Variants in CAMTA1 observed in about 807,000 individuals in gnomAD.
The protein encoded by CAMTA1 is calmodulin-binding transcription activator 1.
CAMTA1 carries 27 observed loss-of-function variants against 170.9 expected under a neutral mutation model. The ratio of observed to expected loss-of-function variants is 0.16; its 90% confidence interval spans 0.12 to 0.22. The LOEUF (loss-of-function observed/expected upper bound fraction) is 0.22. Ranked by LOEUF, CAMTA1 falls within the 10% of genes least tolerant of loss-of-function variation. CAMTA1 has a pLI of 1.00. For missense variants in CAMTA1, 1,619 were observed against 2,217.2 expected (o/e 0.73, Z 5.42); for synonymous variants, 833 against 891.5 (o/e 0.93, Z 1.17).
At chr1:6,859,063 T>A (rs75911465) in intron 3 of CAMTA1, among the ~76,000 whole-genome samples, 19 of 152,366 alleles carry the variant, frequency 1.2e-4, no homozygotes, top group Non-Finnish European at 2.4e-4. Context: ...AAATGGTCTT[T>A]GAAAAATTCT....
intron 21 of CAMTA1, 44 bp downstream of exon 21, chr1:7,752,577 G>C (rs2096904648): frequency 6.8e-7 from 1 of 1,465,876 alleles, no homozygotes; most frequent in South Asian, 1.3e-5. Context: ...GGAGAATGAT[G>C]AAGCAACCCT....
chr1:6,860,865 T>C (rs1362024827), intron 3 of CAMTA1, among the ~76,000 whole-genome samples: 1 of 151,622 alleles, frequency 6.6e-6, no homozygotes, highest in African/African-American at 2.4e-5. Flanking sequence ...TGACCCCAGA[T>C]TGTGTCATTG....
chr1:6,943,658 C>G (rs1319482665), intron 3 of CAMTA1, among the ~76,000 whole-genome samples: 7 of 151,852 alleles, frequency 4.6e-5, no homozygotes, highest in Non-Finnish European at 1.0e-4. Flanking sequence ...CCAGCCTGAC[C>G]AACATGGTGA....
intron 1 of CAMTA1, among the ~76,000 whole-genome samples, chr1:6,792,588 A>AT (rs1641428228): frequency 6.6e-6 from 1 of 151,774 alleles, no homozygotes; most frequent in South Asian, 2.1e-4. Context: ...TTTCTGGAGG[A>AT]TTGTTCATTT....
chr1:7,266,099 A>C (rs1449338763), intron 5 of CAMTA1, among the ~76,000 whole-genome samples: 2 of 152,246 alleles, frequency 1.3e-5, no homozygotes. Flanking sequence ...CAAAGTGGAA[A>C]CTGGTGAAGC....
chr1:7,609,660 A>C lies in CAMTA1; in HGVS notation c.511-30740A>C, dbSNP rs1331315479. 6.6e-6 allele frequency among the ~76,000 whole-genome samples: 1 copy of C among 152,098 alleles called. No individual in the cohort carries two copies. Among genetic ancestry groups the C allele is most frequent in the African/African-American group, 2.4e-5 (1 of 41,416 alleles). On this transcript the variant is annotated intron_variant, in intron 6 of 22. Coordinates refer to ENST00000303635, the MANE Select transcript of CAMTA1 (RefSeq NM_015215.4). The surrounding 1 kb of genome is among the most constrained non-coding windows in gnomAD (Gnocchi z 4.4). Reference sequence around the variant, plus strand: ...CTGGTGACCTTGCTGAGGACATTGGAGCTCCAGCCTCAAGTCAGATCCCCT... The same window carrying C: ...CTGGTGACCTTGCTGAGGACATTGGCGCTCCAGCCTCAAGTCAGATCCCCT...
At chr1:6,926,203 T>C (rs1332250598) in intron 3 of CAMTA1, among the ~76,000 whole-genome samples, 1 of 152,206 alleles carries the variant, frequency 6.6e-6, no homozygotes, top group African/African-American at 2.4e-5. Context: ...CTGCCCCACG[T>C]TGGGAGGGGA....
chr1:7,219,132 T>C (rs988649322), intron 4 of CAMTA1, among the ~76,000 whole-genome samples: 3 of 152,222 alleles, frequency 2.0e-5, no homozygotes, highest in Non-Finnish European at 4.4e-5. Flanking sequence ...GTGTCTCCCC[T>C]GTAAGCTTGT....
At chr1:7,459,664 A>G (rs1354256254) in intron 5 of CAMTA1, among the ~76,000 whole-genome samples, 1 of 152,202 alleles carries the variant, frequency 6.6e-6, no homozygotes, top group Non-Finnish European at 1.5e-5. Context: ...GCCCCTGCTC[A>G]GGTGCTGCCC....
intron 3 of CAMTA1, among the ~76,000 whole-genome samples, chr1:6,882,894 G>T (rs574800002): frequency 6.6e-6 from 1 of 152,116 alleles, no homozygotes; most frequent in Non-Finnish European, 1.5e-5. Context: ...ACAGGAGATG[G>T]GGGTGTCCTG....
intron 1 of CAMTA1, among the ~76,000 whole-genome samples, chr1:6,810,498 A>AG (rs1307932867): frequency 6.6e-6 from 1 of 151,960 alleles, no homozygotes; most frequent in Non-Finnish European, 1.5e-5. Flanking sequence ...ACTCCGGGGG[A>AG]GGGGGTTACA....
At chr1:6,808,296 G>A (rs1018585632) in intron 1 of CAMTA1, among the ~76,000 whole-genome samples, 4 of 151,934 alleles carry the variant, frequency 2.6e-5, no homozygotes, top group Non-Finnish European at 4.4e-5. Context: ...GTGCTAATAA[G>A]GGCCACCTAG....
rs1003927583 is a variant in CAMTA1, at chr1:7,565,522, C to A, written c.511-74878C>A. The stretch of plus-strand genomic sequence containing the variant: ...AGGGGCTGGGCTTTCCGCAGAGAGC[C>A]TGGCTCTAGGCTGTCCGGAACAGCA... On this transcript the variant is annotated intron_variant, in intron 6 of 22. Coordinates refer to ENST00000303635, the MANE Select transcript of CAMTA1 (RefSeq NM_015215.4). The surrounding 1 kb of genome is among the most constrained non-coding windows in gnomAD (Gnocchi z 4.5). 6.6e-6 allele frequency among the ~76,000 whole-genome samples: 1 copy of A among 152,172 alleles called. No homozygotes were observed. Among genetic ancestry groups the A allele is most frequent in the Non-Finnish European group, 1.5e-5 (1 of 68,024 alleles).
At chr1:7,439,601 A>G (rs1436555419) in intron 5 of CAMTA1, among the ~76,000 whole-genome samples, 2 of 152,314 alleles carry the variant, frequency 1.3e-5, no homozygotes, top group African/African-American at 2.4e-5. Context: ...AAGCCTGCGC[A>G]TGGTACGGCC....
At chr1:7,481,233 T>C (rs918687228) in intron 6 of CAMTA1, among the ~76,000 whole-genome samples, 5 of 152,210 alleles carry the variant, frequency 3.3e-5, no homozygotes, top group African/African-American at 1.2e-4. Context: ...ATCACCCTTA[T>C]GCTTCAGGCA....
At chr1:7,201,073 C>T (rs1315573827) in intron 4 of CAMTA1, among the ~76,000 whole-genome samples, 2 of 152,174 alleles carry the variant, frequency 1.3e-5, no homozygotes, top group Non-Finnish European at 2.9e-5. Flanking sequence ...CCACCGCCAG[C>T]CCTCTGCAAA....
chr1:7,305,647 G>A (rs1351488736), intron 5 of CAMTA1, among the ~76,000 whole-genome samples: 1 of 151,882 alleles, frequency 6.6e-6, no homozygotes, highest in Non-Finnish European at 1.5e-5. Flanking sequence ...CTGCTTCCTG[G>A]ATATATAAGT....
At chr1:7,571,100 T>C (rs1487554744) in intron 6 of CAMTA1, among the ~76,000 whole-genome samples, 1 of 152,244 alleles carries the variant, frequency 6.6e-6, no homozygotes, top group Non-Finnish European at 1.5e-5. Context: ...TGGGCTGCTA[T>C]AGCAAAATGA....
chr1:7,348,776 CA>C (rs1358571287), intron 5 of CAMTA1, among the ~76,000 whole-genome samples: 1 of 152,242 alleles, frequency 6.6e-6, no homozygotes, highest in East Asian at 1.9e-4. Context: ...AGGAATGCCA[CA>C]GTCCGTTAAG....
Sources: allele counts gnomAD v4.1 joint callset (sites outside exome capture counted in the v4.1 genomes callset), GRCh38; gene constraint gnomAD v4.1.1; non-coding constraint Gnocchi (gnomAD v3.1); transcripts MANE v1.5; gene names NCBI Gene and HGNC (gene_info 2026-07-23, HGNC 2026-07-21).